SV2B: variants seen among roughly 807,000 people sequenced by gnomAD.
SV2B encodes the protein solute carrier family 22 member B2.
In SV2B, 41 loss-of-function variants were observed where a neutral mutation model predicts 73.9. That is an observed-to-expected ratio of 0.56 (90% confidence interval 0.43 to 0.72). SV2B has a LOEUF of 0.72. SV2B is among the 30% of genes least tolerant of loss of function. SV2B has a pLI of 0.00. For synonymous variants in SV2B, 314 were observed against 314.2 expected, an observed-to-expected ratio of 1.00 and a Z score of 0.01; for missense variants, 764 against 857.8, an observed-to-expected ratio of 0.89 and a Z score of 1.37.
chr15:91,235,403 T>C (rs759108102), intron 2 of SV2B, among the ~76,000 whole-genome samples: 1 of 152,134 alleles, frequency 6.6e-6, no homozygotes, highest in Non-Finnish European at 1.5e-5. Flanking sequence ...ACAAAGCTTA[T>C]GAGTAAATTC....
At chr15:91,143,985 T>C (rs2043074360) in intron 1 of SV2B, among the ~76,000 whole-genome samples, 1 of 152,230 alleles carries the variant, frequency 6.6e-6, no homozygotes, top group African/African-American at 2.4e-5. Context: ...TCTATTCATG[T>C]AGGCGGTGAT....
rs1286842182 is a variant in SV2B at position 91,245,542 on chromosome 15, T to G, written c.452-6277T>G. ...TTTGGGGGGTATTCCTCAGATTTTC[T>G]TACAGTGAATAGGAATTACTTTTAG... is the stretch of plus-strand genomic sequence containing the variant. On this transcript the variant is annotated intron_variant, in intron 2 of 12. Transcript: ENST00000394232. The surrounding 1 kb of genome is among the most constrained non-coding windows in gnomAD (Gnocchi z 4.2). Among the ~76,000 whole-genome samples the G allele has an allele frequency of 1.3e-5, 2 of 152,346 alleles. No homozygotes were observed. The highest frequency in any genetic ancestry group is 2.9e-5 in the Non-Finnish European group (2 of 68,028).
chr15:91,228,156 A>G (rs1443836744), intron 2 of SV2B, among the ~76,000 whole-genome samples: 1 of 152,206 alleles, frequency 6.6e-6, no homozygotes, highest in African/African-American at 2.4e-5. Flanking sequence ...AAATGGTTTT[A>G]CACGTTTGTG....
intron 9 of SV2B, among the ~76,000 whole-genome samples, chr15:91,270,951 A>AGGACGGTGAGTCCTGTGGACGATGGGC (rs2048286993): frequency 8.8e-6 from 1 of 114,188 alleles, no homozygotes; most frequent in Non-Finnish European, 1.8e-5. Flanking sequence ...GGACGATGGG[A>AGGACGGTGAGTCCTGTGGACGATGGGC]GGACGGTGAG....
At chr15:91,194,824 C>T (rs570868687) in intron 1 of SV2B, among the ~76,000 whole-genome samples, 5 of 152,230 alleles carry the variant, frequency 3.3e-5, no homozygotes, top group South Asian at 2.1e-4. Flanking sequence ...TCTTCTTCCC[C>T]GGCTGAATTC....
rs2047904793 is a variant in SV2B at position 91,261,387 on chromosome 15, C to T, written c.1008+978C>T. Reference sequence around the variant, plus strand: ...GTTTTATATGCTGTCTCCTAGTATTCATAATCATCATTTTAATAAACAGTA... The same window carrying T: ...GTTTTATATGCTGTCTCCTAGTATTTATAATCATCATTTTAATAAACAGTA... On this transcript the variant is annotated intron_variant, in intron 6 of 12. Transcript: ENST00000394232. The surrounding 1 kb of genome is among the most constrained non-coding windows in gnomAD (Gnocchi z 4.7). 6.6e-6 allele frequency among the ~76,000 whole-genome samples: 1 copy of T among 152,158 alleles called. No homozygotes were observed. Among genetic ancestry groups the T allele is most frequent in the African/African-American group, 2.4e-5 (1 of 41,424 alleles).
chr15:91,121,307 T>C lies in SV2B; in HGVS notation c.-392+20944T>C, dbSNP rs1031146866. ...AATCAAGTGAGAAATTTATTAATTTTCCCCCCTAACCCTCCTGAGAATACT... is the reference window on the plus strand; with the variant it reads ...AATCAAGTGAGAAATTTATTAATTTCCCCCCCTAACCCTCCTGAGAATACT... On this transcript the variant is annotated intron_variant, in intron 1 of 12. Coordinates refer to ENST00000394232, the MANE Select transcript of SV2B (RefSeq NM_001323032.3). This position sits in a 1 kb window ranked among gnomAD's most constrained non-coding sequence, Gnocchi z 4.4. Among the ~76,000 whole-genome samples the C allele has an allele frequency of 3.9e-5, 6 of 152,024 alleles. No individual in the cohort carries two copies. Among genetic ancestry groups the C allele is most frequent in the African/African-American group, 1.2e-4 (5 of 41,382 alleles).
chr15:91,168,193 C>T (rs2043983084), intron 1 of SV2B, among the ~76,000 whole-genome samples: 1 of 151,974 alleles, frequency 6.6e-6, no homozygotes, highest in South Asian at 2.1e-4. Context: ...TCTCTGGCTC[C>T]CAGAGTCCCT....
chr15:91,143,170 G>T (rs1335698660), intron 1 of SV2B, among the ~76,000 whole-genome samples: 2 of 152,318 alleles, frequency 1.3e-5, no homozygotes, highest in East Asian at 3.9e-4. Context: ...CTTGGTTGGG[G>T]TGTCGCTGTG....
At position 91,227,095 on chromosome 15, in the gene SV2B, G is replaced by A. The variant is rs1469301156; in HGVS notation, c.451+381G>A. ...CCATGTCCAAATGACAAATACATTT[G>A]GGAAGAGATCTCTGGCTGGTCTCTT... is the stretch of plus-strand genomic sequence containing the variant. On this transcript the variant is annotated intron_variant, in intron 2 of 12. Coordinates refer to ENST00000394232, the MANE Select transcript of SV2B (RefSeq NM_001323032.3). This position sits in a 1 kb window ranked among gnomAD's most constrained non-coding sequence, Gnocchi z 4.5. 2.0e-5 allele frequency among the ~76,000 whole-genome samples: 3 copies of A among 152,230 alleles called. No homozygotes were observed. In the East Asian group the frequency reaches 5.8e-4, roughly 29 times the overall value.
chr15:91,178,678 G>A (rs544993787), intron 1 of SV2B, among the ~76,000 whole-genome samples: 19 of 151,712 alleles, frequency 1.3e-4, no homozygotes, highest in African/African-American at 3.4e-4. Context: ...GTTTATTTGC[G>A]TAGAGGTGTT....
chr15:91,268,372 G>A lies in SV2B; in HGVS notation c.1209-69G>A, dbSNP rs2048176800. On this transcript the variant is annotated intron_variant, in intron 8 of 12. Coordinates refer to ENST00000394232, the MANE Select transcript of SV2B (RefSeq NM_001323032.3). This position sits in a 1 kb window ranked among gnomAD's most constrained non-coding sequence, Gnocchi z 4.4. ...ATGAGTTTGATCTGCATCAAGTCAA[G>A]AGTGTAGACCCTGATCATGAAAGAA... 1.4e-6 allele frequency: 2 copies of A among 1,460,176 alleles called. No homozygotes were observed. Among genetic ancestry groups the A allele is most frequent in the Non-Finnish European group, 1.9e-6 (2 of 1,079,270 alleles). The allele number at this position is 1,460,176 out of a possible 1,614,324, so 90.5% of individuals were successfully genotyped here. A position where few individuals can be genotyped will look rare whatever the true frequency, so the allele number is the denominator to read the frequency against.
intron 1 of SV2B, among the ~76,000 whole-genome samples, chr15:91,196,470 C>T (rs771467233): frequency 1.3e-5 from 2 of 152,154 alleles, no homozygotes; most frequent in Non-Finnish European, 2.9e-5. Context: ...ATTGGACACC[C>T]CTTGGATATG....
At position 91,140,904 on chromosome 15, in the gene SV2B, G is replaced by A. The variant is rs1285439340; in HGVS notation, c.-392+40541G>A. On this transcript the variant is annotated intron_variant, in intron 1 of 12. Coordinates refer to ENST00000394232, the MANE Select transcript of SV2B (RefSeq NM_001323032.3). The surrounding 1 kb of genome is among the most constrained non-coding windows in gnomAD (Gnocchi z 4.4). ...ATAGAAGACTCTCTGTTTTCTTATG[G>A]CCACAGGCAGCAAAGAGAAACCACA... is the stretch of plus-strand genomic sequence containing the variant. Among the ~76,000 whole-genome samples the A allele has an allele frequency of 6.6e-6, 1 of 151,656 alleles. No individual in the cohort carries two copies. Among genetic ancestry groups the A allele is most frequent in the African/African-American group, 2.4e-5 (1 of 41,244 alleles).
intron 1 of SV2B, among the ~76,000 whole-genome samples, chr15:91,150,004 C>G (rs996157636): frequency 3.9e-5 from 6 of 152,024 alleles, no homozygotes; most frequent in African/African-American, 1.2e-4. Flanking sequence ...CTGTCTGTCT[C>G]TCTTTATTTG....
chr15:91,180,548 G>A (rs547019839), intron 1 of SV2B, among the ~76,000 whole-genome samples: 6 of 152,232 alleles, frequency 3.9e-5, no homozygotes, highest in Admixed American at 6.5e-5. Flanking sequence ...TGTAGATTTG[G>A]TCTTTTCACA....
rs949900935 is a variant in SV2B at position 91,124,855 on chromosome 15, T to C, written c.-392+24492T>C. Among the ~76,000 whole-genome samples the C allele has an allele frequency of 1.3e-5, 2 of 152,120 alleles. No individual in the cohort carries two copies. The highest frequency in any genetic ancestry group is 2.9e-5 in the Non-Finnish European group (2 of 68,014). On this transcript the variant is annotated intron_variant, in intron 1 of 12. Coordinates refer to ENST00000394232, the MANE Select transcript of SV2B (RefSeq NM_001323032.3). The surrounding 1 kb of genome is among the most constrained non-coding windows in gnomAD (Gnocchi z 4.6). ...TTTTAGGAGAGACGGAATTTCACCA[T>C]GTTGGCCAGGCTGGTCTCGAACTCC...
chr15:91,266,721 G>T (rs2048117264), intron 7 of SV2B, 29 bp downstream of exon 7: 1 of 1,558,600 alleles, frequency 6.4e-7, no homozygotes, highest in East Asian at 2.2e-5. Context: ...TTTGGATGAG[G>T]ATGCGTCTCT....
chr15:91,152,446 A>T (rs2043343080), intron 1 of SV2B, among the ~76,000 whole-genome samples: 1 of 152,076 alleles, frequency 6.6e-6, no homozygotes, highest in African/African-American at 2.4e-5. Flanking sequence ...CACTTTCCTG[A>T]TCTTTTTCCA....
Sources: allele counts gnomAD v4.1 joint callset (sites outside exome capture counted in the v4.1 genomes callset), GRCh38; gene constraint gnomAD v4.1.1; non-coding constraint Gnocchi (gnomAD v3.1); transcripts MANE v1.5; gene names NCBI Gene and HGNC (gene_info 2026-07-23, HGNC 2026-07-21).